Variants in RPS3 observed in about 807,000 individuals in gnomAD.
The protein encoded by RPS3 is small ribosomal subunit protein uS3.
RPS3 carries 2 observed loss-of-function variants against 25.8 expected under a neutral mutation model. The ratio of observed to expected loss-of-function variants is 0.08; its 90% confidence interval spans 0.03 to 0.24. The LOEUF (loss-of-function observed/expected upper bound fraction) is 0.24. Among genes scored for constraint, RPS3 ranks in the 10% least tolerant of loss-of-function variants. RPS3 has a pLI of 1.00. For missense variants in RPS3, 107 were observed against 307.1 expected, an observed-to-expected ratio of 0.35 and a Z score of 4.87; for synonymous variants, 114 against 114.2, an observed-to-expected ratio of 1.00 and a Z score of 0.01.
rs369334575 is a variant in RPS3, at chr11:75,399,553, A to G, written c.6A>G (p.Ala2=). ...CAGCGGAGCGCGGCGGCAAGATGGCAGTGCAAATATCCAAGAAGAGGAAGG... is the reference window on the plus strand; with the variant it reads ...CAGCGGAGCGCGGCGGCAAGATGGCGGTGCAAATATCCAAGAAGAGGAAGG... M[A]VQISKKRKFV... is the part of the protein sequence containing the mutation. Residue 2 remains alanine, a synonymous_variant, in exon 1 of 7, where the codon GCA becomes GCG. Coordinates refer to ENST00000531188, the MANE Select transcript of RPS3 (RefSeq NM_001005.5). 67 of 1,613,764 alleles carry G rather than the reference A, an allele frequency of 4.2e-5. No individual in the cohort carries two copies. The Middle Eastern group carries it at 8.2e-4, about 20-fold the overall frequency.
chr11:75,415,348 A>G (rs991611388), intron 6 of RPS3, among the ~76,000 whole-genome samples: 6 of 152,164 alleles, frequency 3.9e-5, no homozygotes, highest in African/African-American at 1.4e-4. Flanking sequence ...TCTAGTGTTT[A>G]TCATCTATTC....
At chr11:75,412,760 T>C (rs1212574475) in intron 6 of RPS3, among the ~76,000 whole-genome samples, 2 of 152,222 alleles carry the variant, frequency 1.3e-5, no homozygotes, top group Non-Finnish European at 2.9e-5. Context: ...GATACTAATC[T>C]ATGTGTTTTT....
At chr11:75,410,386 C>T (rs1249928186), downstream of RPS3, among the ~76,000 whole-genome samples, 2 of 150,016 alleles carry the variant, frequency 1.3e-5, no homozygotes, top group African/African-American at 2.5e-5. Context: ...ACATCTCAGA[C>T]GATGGGCGGC....
chr11:75,420,052 G>A (rs1948430102), intron 6 of RPS3, among the ~76,000 whole-genome samples: 1 of 152,222 alleles, frequency 6.6e-6, no homozygotes, highest in African/African-American at 2.4e-5. Flanking sequence ...TACCACGAGT[G>A]AAGTCTCTTA....
rs1948282705 is a variant in RPS3 at position 75,405,957 on chromosome 11, C to A, written c.*347C>A. ...AGTTTTTCCTATGCATAAGGCGATC[C>A]ACGTTGCACATAGAAAGTGAATATA... On this transcript the variant is annotated 3_prime_UTR_variant, in exon 7 of 7. Transcript: ENST00000531188. 1 of 176,704 alleles carries A rather than the reference C, an allele frequency of 5.7e-6. No individual in the cohort carries two copies. The highest frequency in any genetic ancestry group is 1.2e-5 in the Non-Finnish European group (1 of 82,930). 10.9% of individuals were successfully genotyped at this position (176,704 alleles called of 1,614,324 possible). A position where few individuals can be genotyped will look rare whatever the true frequency, so the allele number is the denominator to read the frequency against.
rs1948288722 is a variant in RPS3, at chr11:75,406,421, T to TA, written c.*812dup. 1 of 152,232 alleles carries TA rather than the reference T, an allele frequency of 6.6e-6. No individual in the cohort carries two copies. The highest frequency in any genetic ancestry group is 1.5e-5 in the Non-Finnish European group (1 of 68,050). The allele number at this position is 152,232 out of a possible 1,614,324, so 9.4% of individuals were successfully genotyped here. The stretch of plus-strand genomic sequence containing the variant: ...AGAGGGGACTTCCAGGGAAAGCTGT[T>TA]ATCAGGTGGCTGCTTCCTGGTGATG... On this transcript the variant is annotated 3_prime_UTR_variant, in exon 7 of 7. Transcript: ENST00000531188.
chr11:75,403,896 G>C (rs1024224938), intron 4 of RPS3, 124 bp from the exon 5 acceptor site: 1 of 845,062 alleles, frequency 1.2e-6, no homozygotes, highest in Admixed American at 2.8e-5. Flanking sequence ...GTATTCTTGG[G>C]GCCGGACTCT....
chr11:75,402,520 G>A, intron 4 of RPS3, 74 bp downstream of exon 4: 5 of 1,487,440 alleles, frequency 3.4e-6, no homozygotes, highest in South Asian at 1.2e-5. Flanking sequence ...TGTTAATTTA[G>A]CAGATGAACT....
rs145947343 is a variant in RPS3 at position 75,404,500 on chromosome 11, G to A, written c.539-172G>A. On this transcript the variant is annotated intron_variant, in intron 5 of 6. Transcript: ENST00000531188. This position sits in a 1 kb window ranked among gnomAD's most constrained non-coding sequence, Gnocchi z 4.6. The stretch of plus-strand genomic sequence containing the variant: ...TGTCAGTGCCATGTTCTGTGGTGCT[G>A]TGCACGAGTTCCTTTGGCAGAAGTG... 2.4e-4 allele frequency: 196 copies of A among 811,786 alleles called. No homozygotes were observed. The highest frequency in any genetic ancestry group is 4.0e-4 in the Non-Finnish European group (180 of 448,966). 50.3% of individuals were successfully genotyped at this position (811,786 alleles called of 1,614,324 possible). A position where few individuals can be genotyped will look rare whatever the true frequency, so the allele number is the denominator to read the frequency against.
At chr11:75,410,128 A>C (rs1450296248), downstream of RPS3, among the ~76,000 whole-genome samples, 14 of 73,744 alleles carry the variant, frequency 1.9e-4, no homozygotes, top group South Asian at 4.6e-4. Flanking sequence ...CTGACCCCAC[A>C]CCTCCCTCCC....
chr11:75,417,236 G>A (rs1230475160), intron 6 of RPS3, among the ~76,000 whole-genome samples: 9 of 152,140 alleles, frequency 5.9e-5, no homozygotes, highest in African/African-American at 1.4e-4. Context: ...TTGGGAGGCC[G>A]AAATGGGAGA....
chr11:75,408,503 C>G (rs1948310004), downstream of RPS3, among the ~76,000 whole-genome samples: 1 of 152,064 alleles, frequency 6.6e-6, no homozygotes, highest in Admixed American at 6.5e-5. Context: ...CAGATTTGCC[C>G]CCTCCCTTGT....
At position 75,421,430 on chromosome 11, in the gene RPS3, GCA is replaced by G. The variant is rs752095787; in HGVS notation, c.*4-294_*4-293del. Among the ~76,000 whole-genome samples the G allele has an allele frequency of 2.6e-5, 4 of 152,206 alleles. No homozygotes were observed. In the East Asian group the frequency reaches 5.8e-4, roughly 22 times the overall value. ...GCTCCTCCAGGCCTCACAGCGATAT[GCA>G]CAGAGCCTCGCAGAATCTGTCTATG... is the stretch of plus-strand genomic sequence containing the variant. On this transcript the variant is annotated intron_variant, in intron 6 of 6. Transcript: ENST00000527446.
chr11:75,419,485 C>T (rs928016636), intron 6 of RPS3, among the ~76,000 whole-genome samples: 8 of 151,108 alleles, frequency 5.3e-5, no homozygotes, highest in Non-Finnish European at 1.0e-4. Context: ...ACCCAAGAGG[C>T]GGAGGTTGCA....
chr11:75,400,565 G>C (rs774780965), intron 1 of RPS3, 129 bp from the exon 2 acceptor site: 1 of 1,361,216 alleles, frequency 7.3e-7, no homozygotes, highest in Admixed American at 1.7e-5. Context: ...TGGAACAAGG[G>C]TTTGGAACCA....
downstream of RPS3, among the ~76,000 whole-genome samples, chr11:75,410,937 C>T (rs985932781): frequency 1.3e-5 from 2 of 152,136 alleles, no homozygotes; most frequent in Admixed American, 6.5e-5. Flanking sequence ...AGTGCAGTGG[C>T]GAGATCTTGG....
intron 1 of RPS3, chr11:75,400,354 G>T (rs1948189310): frequency 7.7e-6 from 4 of 522,318 alleles, no homozygotes; most frequent in African/African-American, 3.8e-5. Context: ...GGCCATTAGA[G>T]CAGTTTCTTG....
chr11:75,412,146 T>C (rs1323225572), intron 6 of RPS3, among the ~76,000 whole-genome samples: 1 of 152,260 alleles, frequency 6.6e-6, no homozygotes, highest in Non-Finnish European at 1.5e-5. Flanking sequence ...CTGTTTACAC[T>C]GCTTGCACCC....
At chr11:75,400,475 A>G (rs774709636) in intron 1 of RPS3, 11 of 658,410 alleles carry the variant, frequency 1.7e-5, no homozygotes, top group South Asian at 1.2e-4. Flanking sequence ...TCTGTGGCAC[A>G]GTTTAAAGAG....
Sources: allele counts gnomAD v4.1 joint callset (sites outside exome capture counted in the v4.1 genomes callset), GRCh38; gene constraint gnomAD v4.1.1; non-coding constraint Gnocchi (gnomAD v3.1); transcripts MANE v1.5; gene names NCBI Gene and HGNC (gene_info 2026-07-23, HGNC 2026-07-21).